The following ZNF407 variants were observed in gnomAD, a reference collection of about 807,000 sequenced individuals.
ZNF407 encodes the protein zinc finger protein 407.
Under a neutral mutation model 131.2 loss-of-function variants are expected in ZNF407, and 17 were observed. The observed-to-expected ratio is 0.13, with a 90% CI of 0.09 to 0.19. The LOEUF (loss-of-function observed/expected upper bound fraction) is 0.19, where lower values mean the gene tolerates loss of function less well. Among genes scored for constraint, ZNF407 ranks in the 10% least tolerant of loss-of-function variants. ZNF407 has a pLI of 1.00. For missense variants in ZNF407, 2,681 were observed against 2,830.6 expected (o/e 0.95, Z 1.20); for synonymous variants, 1,156 against 1,062.0 (o/e 1.09, Z -1.72).
intron 8 of ZNF407, among the ~76,000 whole-genome samples, chr18:75,029,735 C>A (rs1973217505): frequency 1.3e-5 from 2 of 152,216 alleles, no homozygotes; most frequent in Admixed American, 6.5e-5. Context: ...TCACTGGTTT[C>A]TGTGGTTTGC....
At chr18:75,012,392 GTACACATAGTGTACGTACACATAGTGTA>G (rs1972988804) in intron 8 of ZNF407, among the ~76,000 whole-genome samples, 1 of 60,636 alleles carries the variant, frequency 1.6e-5, no homozygotes, top group East Asian at 5.5e-4. Context: ...CATAGTGTAT[GTACACATAGTGTACGTACACATAGTGTA>G]TAGCAGGCTC....
intron 3 of ZNF407, among the ~76,000 whole-genome samples, chr18:74,650,917 CTA>C (rs1333701218): frequency 1.3e-5 from 2 of 151,398 alleles, no homozygotes; most frequent in African/African-American, 2.4e-5. Flanking sequence ...CAAGAAATTG[CTA>C]TATATGTGTG....
chr18:74,737,266 A>G (rs146485507), intron 3 of ZNF407, among the ~76,000 whole-genome samples: 14 of 152,340 alleles, frequency 9.2e-5, no homozygotes, highest in African/African-American at 3.4e-4. Flanking sequence ...ATCATTTACT[A>G]TGCAACTCTA....
chr18:74,805,926 G>A (rs775637358), intron 4 of ZNF407, among the ~76,000 whole-genome samples: 8 of 152,128 alleles, frequency 5.3e-5, no homozygotes, highest in South Asian at 2.1e-4. Context: ...TTCATTCTTT[G>A]TTTAATGGAA....
chr18:74,888,026 C>T (rs2554135), intron 6 of ZNF407, among the ~76,000 whole-genome samples: 148,859 of 152,278 alleles, frequency 0.98, 72,859 homozygotes, highest in East Asian at 1. Flanking sequence ...AGGACAGATA[C>T]GGTTTTGTTG....
intron 8 of ZNF407, among the ~76,000 whole-genome samples, chr18:74,923,338 G>A (rs1971871410): frequency 6.7e-6 from 1 of 149,280 alleles, no homozygotes; most frequent in Non-Finnish European, 1.5e-5. Flanking sequence ...AACTAATAAT[G>A]CAAATCCACT....
chr18:74,739,829 A>T (rs12326528), intron 3 of ZNF407, among the ~76,000 whole-genome samples: 20,784 of 152,176 alleles, frequency 0.14, 2,551 homozygotes, highest in African/African-American at 0.33. Context: ...TGAGCACGGA[A>T]TTAGGGGAAA....
At chr18:74,821,377 T>C (rs1269243076) in intron 4 of ZNF407, among the ~76,000 whole-genome samples, 1 of 152,006 alleles carries the variant, frequency 6.6e-6, no homozygotes, top group Non-Finnish European at 1.5e-5. Flanking sequence ...CCCATTAACC[T>C]GTCACCTACA....
intron 7 of ZNF407, among the ~76,000 whole-genome samples, chr18:74,891,929 A>C (rs1469184099): frequency 2.0e-5 from 3 of 152,090 alleles, no homozygotes; most frequent in Non-Finnish European, 4.4e-5. Flanking sequence ...TATACTTAAA[A>C]AATTCTAAAT....
At chr18:74,935,213 A>G (rs1972026494) in intron 8 of ZNF407, among the ~76,000 whole-genome samples, 1 of 152,236 alleles carries the variant, frequency 6.6e-6, no homozygotes, top group East Asian at 1.9e-4. Context: ...ACTATTTGGT[A>G]GTATTAGAAG....
chr18:74,853,290 TAGAA>T (rs1275044064), intron 4 of ZNF407, among the ~76,000 whole-genome samples: 4 of 152,226 alleles, frequency 2.6e-5, no homozygotes, highest in African/African-American at 9.6e-5. Flanking sequence ...GAGTAAATCG[TAGAA>T]AGCCTTCCGT....
chr18:74,815,921 C>A (rs1233757432), intron 4 of ZNF407, among the ~76,000 whole-genome samples: 1 of 152,132 alleles, frequency 6.6e-6, no homozygotes, highest in Non-Finnish European at 1.5e-5. Flanking sequence ...CAATAGTGTC[C>A]CATGCCTCCC....
chr18:74,816,433 AT>A (rs1970268295), intron 4 of ZNF407, among the ~76,000 whole-genome samples: 1 of 152,152 alleles, frequency 6.6e-6, no homozygotes, highest in Non-Finnish European at 1.5e-5. Flanking sequence ...TTTGTAGTCC[AT>A]TTTGTCATAA....
At position 74,920,197 on chromosome 18, in the gene ZNF407, C is replaced by A. The variant is rs191082522; in HGVS notation, c.5250-317C>A. Among the ~76,000 whole-genome samples, 20 of 152,268 alleles carry A rather than the reference C, an allele frequency of 1.3e-4. No individual in the cohort carries two copies. The South Asian group carries it at 3.3e-3, about 25-fold the overall frequency. On this transcript the variant is annotated intron_variant, in intron 7 of 8. Coordinates refer to ENST00000299687, the MANE Select transcript of ZNF407 (RefSeq NM_017757.3). ...ACTCCTCAGTGGTAATAGGTGTGTT[C>A]TCAGGGATCAGCTAACACCTTCACT...
intron 3 of ZNF407, among the ~76,000 whole-genome samples, chr18:74,649,628 G>C (rs1985136632): frequency 6.6e-6 from 1 of 152,162 alleles, no homozygotes; most frequent in South Asian, 2.1e-4. Context: ...TAGTGGACAG[G>C]TAAAGAAATT....
rs770669411 is a variant in ZNF407 at position 74,900,968 on chromosome 18, C to T, written c.5249+10930C>T. 1.4e-4 allele frequency among the ~76,000 whole-genome samples: 22 copies of T among 152,038 alleles called. No homozygotes were observed. In the East Asian group the frequency reaches 2.5e-3, roughly 17 times the overall value. The stretch of plus-strand genomic sequence containing the variant: ...TGTAATTCTCTTGGAGTGTGTCCTA[C>T]GAGAGGAATGTGATAATAAGGATCC... On this transcript the variant is annotated intron_variant, in intron 7 of 8. Transcript: ENST00000299687.
intron 4 of ZNF407, among the ~76,000 whole-genome samples, chr18:74,796,395 C>T (rs1568219605): frequency 1.3e-5 from 2 of 152,172 alleles, no homozygotes; most frequent in South Asian, 2.1e-4. Context: ...AGGTCATGAT[C>T]AGTGCAAAAA....
intron 8 of ZNF407, among the ~76,000 whole-genome samples, chr18:74,937,108 C>A (rs1972047736): frequency 6.6e-6 from 1 of 152,148 alleles, no homozygotes; most frequent in Admixed American, 6.5e-5. Flanking sequence ...TAGGAAAGCA[C>A]CCCTGAGCAA....
intron 8 of ZNF407, among the ~76,000 whole-genome samples, chr18:75,007,871 A>G (rs1972930210): frequency 6.6e-6 from 1 of 152,230 alleles, no homozygotes; most frequent in Non-Finnish European, 1.5e-5. Flanking sequence ...ACATAGAGGC[A>G]GCCCATCACT....
Sources: gnomAD v4.1 joint callset for allele counts (sites outside exome capture counted in the v4.1 genomes callset) on GRCh38, gnomAD v4.1.1 for gene constraint, MANE v1.5 for transcripts, NCBI Gene and HGNC (gene_info 2026-07-23, HGNC 2026-07-21) for gene names.